SUGCT: variants seen among roughly 807,000 people sequenced by gnomAD.
The protein encoded by SUGCT is succinyl-CoA:glutarate CoA-transferase.
A neutral mutation model predicts 55.0 loss-of-function variants in SUGCT; 41 were observed. That is an observed-to-expected ratio of 0.74 (90% CI 0.58 to 0.97). The LOEUF is 0.97. Ranked by LOEUF, SUGCT falls within the 50% of genes least tolerant of loss-of-function variation. The pLI is 0.00. For missense variants in SUGCT, 568 were observed against 547.8 expected, an observed-to-expected ratio of 1.04 and a Z score of -0.37; for synonymous variants, 187 against 200.4, an observed-to-expected ratio of 0.93 and a Z score of 0.56.
Position 40,792,811 on chromosome 7 carries a change from G to A in SUGCT, c.1153+43314G>A, listed in dbSNP as rs1790378896. On this transcript the variant is annotated intron_variant, in intron 13 of 13. Coordinates refer to ENST00000335693, the MANE Select transcript of SUGCT (RefSeq NM_001193313.2). Reference sequence around the variant, plus strand: ...TGAGAACTAATAAGAATCAGGTACTGGGCCTTTGGAGCACAAGGTTAGATC... The same window carrying A: ...TGAGAACTAATAAGAATCAGGTACTAGGCCTTTGGAGCACAAGGTTAGATC... Among the ~76,000 whole-genome samples the A allele has an allele frequency of 1.3e-5, 2 of 152,110 alleles. 1 individual carries two copies. The highest frequency in any genetic ancestry group is 3.9e-4 in the East Asian group (2 of 5,192).
chr7:40,164,781 A>G lies in SUGCT; in HGVS notation c.101-16166A>G, dbSNP rs1275013985. Among the ~76,000 whole-genome samples, 4 of 152,262 alleles carry G rather than the reference A, an allele frequency of 2.6e-5. No homozygotes were observed. In the East Asian group the frequency reaches 5.8e-4, roughly 22 times the overall value. On this transcript the variant is annotated intron_variant, in intron 1 of 13. Transcript: ENST00000335693. Reference sequence around the variant, plus strand: ...CAATACATACTCATGAATTTCCATGATGAACAGAATTGAAGCCTCCTTGAG... The same window carrying G: ...CAATACATACTCATGAATTTCCATGGTGAACAGAATTGAAGCCTCCTTGAG...
intron 12 of SUGCT, among the ~76,000 whole-genome samples, chr7:40,551,588 C>G (rs1400931002): frequency 6.6e-6 from 1 of 152,190 alleles, no homozygotes; most frequent in Non-Finnish European, 1.5e-5. Flanking sequence ...GTGTATCCAT[C>G]ATTCACTCCA....
chr7:40,642,202 A>G (rs1372089401), intron 12 of SUGCT, among the ~76,000 whole-genome samples: 1 of 152,222 alleles, frequency 6.6e-6, no homozygotes, highest in Non-Finnish European at 1.5e-5. Flanking sequence ...TATGCCGTGG[A>G]TATAATTATG....
At chr7:40,264,232 G>A (rs1336020479) in intron 7 of SUGCT, among the ~76,000 whole-genome samples, 1 of 152,118 alleles carries the variant, frequency 6.6e-6, no homozygotes, top group African/African-American at 2.4e-5. Flanking sequence ...CTAAAATGGT[G>A]TGATTTAGAC....
intron 12 of SUGCT, among the ~76,000 whole-genome samples, chr7:40,662,961 A>C (rs1801407608): frequency 6.6e-6 from 1 of 152,196 alleles, no homozygotes; most frequent in African/African-American, 2.4e-5. Context: ...ATGAATGACT[A>C]ACTCTCGTAA....
At chr7:40,904,337 A>T in the SUGCT span, among the ~76,000 whole-genome samples, 1 of 152,230 alleles carries the variant, frequency 6.6e-6, no homozygotes, top group Non-Finnish European at 1.5e-5. Flanking sequence ...CACCAGGCCA[A>T]GGCTTGGATT....
chr7:40,826,852 A>G (rs1792338931), intron 13 of SUGCT, among the ~76,000 whole-genome samples: 1 of 152,202 alleles, frequency 6.6e-6, no homozygotes. Flanking sequence ...GTAAGTGCTG[A>G]GCAGGAAAGA....
chr7:40,249,344 T>TATATATATAA (rs1172651937), intron 7 of SUGCT, among the ~76,000 whole-genome samples: 1 of 128,158 alleles, frequency 7.8e-6, no homozygotes, highest in African/African-American at 3.3e-5. Context: ...TATATATATA[T>TATATATATAA]ATAATTATAT....
chr7:40,189,211 G>A (rs558551054), intron 4 of SUGCT, among the ~76,000 whole-genome samples: 75 of 152,100 alleles, frequency 4.9e-4, no homozygotes, highest in Non-Finnish European at 1.0e-3. Flanking sequence ...GCGTGGTGGC[G>A]TGTGCCTGTA....
intron 9 of SUGCT, among the ~76,000 whole-genome samples, chr7:40,401,398 A>C (rs1395393344): frequency 6.6e-6 from 1 of 152,332 alleles, no homozygotes; most frequent in East Asian, 1.9e-4. Flanking sequence ...TGTGTGCTCT[A>C]CAACTCTGTT....
At chr7:40,438,158 A>G (rs1788275443) in intron 9 of SUGCT, among the ~76,000 whole-genome samples, 1 of 152,154 alleles carries the variant, frequency 6.6e-6, no homozygotes, top group African/African-American at 2.4e-5. Context: ...GGGAAGGAGT[A>G]GAAACTTCCA....
At chr7:40,893,040 T>C in the SUGCT span, among the ~76,000 whole-genome samples, 1 of 152,130 alleles carries the variant, frequency 6.6e-6, no homozygotes, top group African/African-American at 2.4e-5. Flanking sequence ...TATTTATATC[T>C]GACAAAATAG....
intron 13 of SUGCT, among the ~76,000 whole-genome samples, chr7:40,840,212 T>C (rs965828969): frequency 5.9e-5 from 9 of 152,146 alleles, no homozygotes; most frequent in Non-Finnish European, 1.2e-4. Flanking sequence ...GTGAACTCCA[T>C]GGGAGTCATC....
At chr7:40,285,141 T>C (rs17171669) in intron 8 of SUGCT, among the ~76,000 whole-genome samples, 1,829 of 152,288 alleles carry the variant, frequency 0.012, 31 homozygotes, top group African/African-American at 0.042. Flanking sequence ...TTAATTTTCT[T>C]ATTAGATACT....
chr7:40,273,844 C>T (rs1358433316), intron 7 of SUGCT, among the ~76,000 whole-genome samples: 5 of 152,178 alleles, frequency 3.3e-5, no homozygotes, highest in South Asian at 2.1e-4. Context: ...GAAACATCTC[C>T]GTTTTATACC....
At chr7:40,281,324 T>C (rs903177594) in intron 8 of SUGCT, among the ~76,000 whole-genome samples, 1 of 152,074 alleles carries the variant, frequency 6.6e-6, no homozygotes, top group African/African-American at 2.4e-5. Flanking sequence ...GAAGCATGAG[T>C]ATAGGATGAA....
chr7:40,675,185 C>T (rs1381922698), intron 12 of SUGCT, among the ~76,000 whole-genome samples: 1 of 151,824 alleles, frequency 6.6e-6, no homozygotes, highest in Non-Finnish European at 1.5e-5. Flanking sequence ...CTCAGCTCCC[C>T]AAGTAGCTGG....
intron 12 of SUGCT, among the ~76,000 whole-genome samples, chr7:40,648,497 G>A (rs563398421): frequency 1.6e-4 from 25 of 152,136 alleles, no homozygotes; most frequent in Non-Finnish European, 3.7e-4. Context: ...CAAAAGATAC[G>A]TTGAAGTCCT....
the SUGCT span, among the ~76,000 whole-genome samples, chr7:40,911,363 T>C: frequency 6.6e-6 from 1 of 152,124 alleles, no homozygotes; most frequent in African/African-American, 2.4e-5. Context: ...TAAAATCTTC[T>C]ATGTGAGAGC....
Sources: gnomAD v4.1 joint callset for allele counts (sites outside exome capture counted in the v4.1 genomes callset) on GRCh38, gnomAD v4.1.1 for gene constraint, MANE v1.5 for transcripts, NCBI Gene and HGNC (gene_info 2026-07-23, HGNC 2026-07-21) for gene names.